SNX14: variants seen among roughly 807,000 people sequenced by gnomAD.
SNX14 encodes sorting nexin 14.
A neutral mutation model predicts 133.8 loss-of-function variants in SNX14; 93 were observed. The ratio of observed to expected loss-of-function variants is 0.70; its 90% CI spans 0.59 to 0.83. The LOEUF (loss-of-function observed/expected upper bound fraction) is 0.83, where lower values mean the gene tolerates loss of function less well. SNX14 is among the 40% of genes least tolerant of loss of function. SNX14 has a pLI of 0.00. For missense variants in SNX14, 945 were observed against 1,094.9 expected (o/e 0.86, Z 1.93); for synonymous variants, 368 against 365.6 (o/e 1.01, Z -0.07).
At chr6:85,571,040 A>G (rs1186065968) in intron 4 of SNX14, among the ~76,000 whole-genome samples, 2 of 152,066 alleles carry the variant, frequency 1.3e-5, no homozygotes, top group Non-Finnish European at 1.5e-5. Flanking sequence ...GTCTTAAATC[A>G]GGGTATCTTG....
chr6:85,564,233 T>C (rs1402103652), intron 6 of SNX14, among the ~76,000 whole-genome samples: 2 of 152,230 alleles, frequency 1.3e-5, no homozygotes, highest in African/African-American at 2.4e-5. Flanking sequence ...AATAAACATA[T>C]GTGTGCATGT....
intron 5 of SNX14, among the ~76,000 whole-genome samples, chr6:85,566,721 G>T (rs1386594771): frequency 6.6e-6 from 1 of 151,468 alleles, no homozygotes; most frequent in African/African-American, 2.4e-5. Flanking sequence ...AGAAAGAAAA[G>T]AAAATTCAAA....
At chr6:85,513,411 G>T (rs1259344272) in intron 26 of SNX14, among the ~76,000 whole-genome samples, 1 of 152,122 alleles carries the variant, frequency 6.6e-6, no homozygotes, top group African/African-American at 2.4e-5. Flanking sequence ...TTTGCATAGT[G>T]CCTGGAATAT....
At chr6:85,568,283 T>C (rs551642750) in intron 4 of SNX14, 1 of 152,286 alleles carries the variant, frequency 6.6e-6, no homozygotes, top group Non-Finnish European at 1.5e-5. Context: ...ACTTTATAAG[T>C]CAGTATTTTC....
chr6:85,592,644 G>A (rs114938222), intron 1 of SNX14, among the ~76,000 whole-genome samples: 2,426 of 152,126 alleles, frequency 0.016, 62 homozygotes, highest in African/African-American at 0.054. Context: ...TTAACCTTTC[G>A]GAATATTTCA....
In SNX14 at chr6:85,508,005, A is replaced by G; in HGVS notation, c.2708T>C (p.Leu903Pro). The change falls in exon 27 of 29, where the codon CTG (leucine) becomes CCG (proline). Residue 903 changes from leucine to proline, a missense_variant. By Grantham distance (98) the Leu-to-Pro change is moderately conservative. Around this residue, in one of 3 missense-constraint regions of SNX14, gnomAD observed 412 missense variants for 516.6 expected, o/e 0.80. Transcript: ENST00000314673. The part of the protein sequence containing the change: ...EETKYESIRL[L>P]FDGLQQPVLN... ...TACTGGTTGCTGTAAGCCATCAAAC[A>G]GAAGTCTGATGCTTTCATACTTGGT... 6.2e-7 allele frequency: 1 copy of G among 1,613,602 alleles called. No individual in the cohort carries two copies. The highest frequency in any genetic ancestry group is 2.2e-5 in the East Asian group (1 of 44,834).
chr6:85,548,854 C>T (rs1048216914), intron 8 of SNX14, among the ~76,000 whole-genome samples: 1 of 151,436 alleles, frequency 6.6e-6, no homozygotes, highest in Non-Finnish European at 1.5e-5. Flanking sequence ...GTAATCCCAG[C>T]TAATAGGGAG....
intron 1 of SNX14, among the ~76,000 whole-genome samples, chr6:85,588,171 C>A (rs1235976595): frequency 6.6e-6 from 1 of 152,122 alleles, no homozygotes; most frequent in East Asian, 1.9e-4. Context: ...ATAGTCCCAG[C>A]TACTGGGAGG....
intron 19 of SNX14, among the ~76,000 whole-genome samples, chr6:85,528,971 G>C (rs1779341049): frequency 6.6e-6 from 1 of 151,640 alleles, no homozygotes; most frequent in Admixed American, 6.6e-5. Flanking sequence ...AGAATCGCTG[G>C]AACCTGAGAG....
At chr6:85,570,141 C>T (rs1219472878) in intron 4 of SNX14, among the ~76,000 whole-genome samples, 1 of 152,180 alleles carries the variant, frequency 6.6e-6, no homozygotes, top group Non-Finnish European at 1.5e-5. Flanking sequence ...TATATGCCTG[C>T]CTCTACTTCT....
chr6:85,519,821 A>C (rs1443619080), intron 21 of SNX14, among the ~76,000 whole-genome samples: 2 of 152,126 alleles, frequency 1.3e-5, no homozygotes, highest in Non-Finnish European at 2.9e-5. Flanking sequence ...GTGAACTGAG[A>C]TCGTGCCACT....
intron 7 of SNX14, among the ~76,000 whole-genome samples, chr6:85,552,226 C>T (rs988218289): frequency 1.3e-5 from 2 of 151,548 alleles, no homozygotes; most frequent in Non-Finnish European, 2.9e-5. Flanking sequence ...TTAGTAGAGA[C>T]GGGGTTTCAC....
Position 85,583,305 on chromosome 6 carries a change from T to C in SNX14, c.141-8927A>G, listed in dbSNP as rs376927246. On this transcript the variant is annotated intron_variant, in intron 1 of 28. Transcript: ENST00000314673. ...GACAAACCCACAGCCATTATCATAC[T>C]GAATGGGCAAAAAGCATTCCCTTTG... Among the ~76,000 whole-genome samples the C allele has an allele frequency of 4.5e-4, 68 of 152,314 alleles. 1 individual carries two copies. The South Asian group carries it at 0.013, about 29-fold the overall frequency.
intron 1 of SNX14, among the ~76,000 whole-genome samples, chr6:85,582,412 TAAAGAACAC>T (rs1169566764): frequency 6.7e-6 from 1 of 149,746 alleles, no homozygotes; most frequent in Non-Finnish European, 1.5e-5. Flanking sequence ...TCATCAGACA[TAAAGAACAC>T]TGAAAACGAG....
intron 8 of SNX14, 60 bp downstream of exon 8, chr6:85,549,663 A>T (rs1267823694): frequency 7.1e-7 from 1 of 1,415,994 alleles, no homozygotes; most frequent in Non-Finnish European, 9.3e-7. Context: ...ATAACCAAAA[A>T]TAGCAATATA....
At chr6:85,589,393 T>C (rs1269664229) in intron 1 of SNX14, 1 of 153,660 alleles carries the variant, frequency 6.5e-6, no homozygotes, top group Non-Finnish European at 1.4e-5. Context: ...GCTAAATTTT[T>C]TGTATTTTTT....
chr6:85,591,940 A>T (rs1222370378), intron 1 of SNX14, among the ~76,000 whole-genome samples: 1 of 152,154 alleles, frequency 6.6e-6, no homozygotes, highest in Non-Finnish European at 1.5e-5. Context: ...TTGAACCTGG[A>T]AGGTGGCTGT....
At chr6:85,527,397 A>AT (rs35426099) in intron 20 of SNX14, among the ~76,000 whole-genome samples, 71,960 of 135,774 alleles carry the variant, frequency 0.53, 18,638 homozygotes, top group African/African-American at 0.73. Context: ...ATATATATAT[A>AT]TTTTTTTTTC....
intron 7 of SNX14, among the ~76,000 whole-genome samples, chr6:85,550,644 G>A (rs540621562): frequency 1.3e-5 from 2 of 152,124 alleles, no homozygotes; most frequent in East Asian, 3.9e-4. Flanking sequence ...GCCCACAGGC[G>A]GGTACTCCTG....
Sources: gnomAD v4.1 joint callset for allele counts (sites outside exome capture counted in the v4.1 genomes callset) on GRCh38, gnomAD v4.1.1 for gene constraint, gnomAD v4.1.1 regional missense constraint, MANE v1.5 for transcripts, NCBI Gene and HGNC (gene_info 2026-07-23, HGNC 2026-07-21) for gene names.